Variants in DACH1 observed in about 807,000 individuals in gnomAD.
DACH1 encodes the protein dachshund homolog 1.
A neutral mutation model predicts 54.2 loss-of-function variants in DACH1; 12 were observed. The ratio of observed to expected loss-of-function variants is 0.22; its 90% CI spans 0.14 to 0.36. The LOEUF is 0.36. Among genes scored for constraint, DACH1 ranks in the 10% least tolerant of loss-of-function variants. DACH1 has a pLI of 1.00. For missense variants in DACH1, 805 were observed against 929.8 expected (o/e 0.87, Z 1.75); for synonymous variants, 386 against 366.2 (o/e 1.05, Z -0.62).
chr13:71,717,796 A>T (rs1186557661), intron 1 of DACH1, among the ~76,000 whole-genome samples: 1 of 152,100 alleles, frequency 6.6e-6, no homozygotes, highest in African/African-American at 2.4e-5. Flanking sequence ...TGCCATATTC[A>T]TCATAAGCTC....
intron 2 of DACH1, among the ~76,000 whole-genome samples, chr13:71,667,150 T>A (rs1879897585): frequency 6.6e-6 from 1 of 152,164 alleles, no homozygotes; most frequent in Non-Finnish European, 1.5e-5. Flanking sequence ...CACAGTCAAT[T>A]CTTTACATGA....
chr13:71,848,769 C>T (rs1873466771), intron 1 of DACH1, among the ~76,000 whole-genome samples: 1 of 152,154 alleles, frequency 6.6e-6, no homozygotes, highest in African/African-American at 2.4e-5. Context: ...AAGTGATCCT[C>T]CCACCTTGGC....
At chr13:71,501,698 A>G (rs971509890) in intron 6 of DACH1, among the ~76,000 whole-genome samples, 4 of 152,212 alleles carry the variant, frequency 2.6e-5, no homozygotes, top group African/African-American at 9.6e-5. Flanking sequence ...AATACTACTC[A>G]GTAAAGATTC....
intron 1 of DACH1, among the ~76,000 whole-genome samples, chr13:71,743,881 TTA>T (rs1884502632): frequency 6.6e-6 from 1 of 152,192 alleles, no homozygotes; most frequent in Non-Finnish European, 1.5e-5. Context: ...CTTCTCCTAA[TTA>T]TGTTGAAAGT....
At chr13:71,629,970 A>G (rs1030794997) in intron 3 of DACH1, among the ~76,000 whole-genome samples, 1 of 152,116 alleles carries the variant, frequency 6.6e-6, no homozygotes, top group Non-Finnish European at 1.5e-5. Flanking sequence ...TTGGTTTGAC[A>G]GTGACAGTTA....
At chr13:71,552,669 T>C (rs1566335025) in intron 6 of DACH1, among the ~76,000 whole-genome samples, 1 of 149,930 alleles carries the variant, frequency 6.7e-6, no homozygotes, top group Non-Finnish European at 1.5e-5. Context: ...CCTATTCCAC[T>C]ATATTTAGAA....
chr13:71,699,685 A>T (rs1488386287), intron 1 of DACH1, among the ~76,000 whole-genome samples: 1 of 152,228 alleles, frequency 6.6e-6, no homozygotes, highest in African/African-American at 2.4e-5. Context: ...CATCAATCCA[A>T]ATAATTTCTC....
chr13:71,530,177 T>C (rs994170636), intron 6 of DACH1, among the ~76,000 whole-genome samples: 1 of 152,160 alleles, frequency 6.6e-6, no homozygotes, highest in Non-Finnish European at 1.5e-5. Context: ...TGGACATATA[T>C]GACTTGGAAC....
At chr13:71,852,320 T>C (rs1162756794) in intron 1 of DACH1, among the ~76,000 whole-genome samples, 1 of 152,044 alleles carries the variant, frequency 6.6e-6, no homozygotes. Flanking sequence ...GGAGAAAGCC[T>C]GCTGAGGACC....
At chr13:71,800,630 C>A (rs891245328) in intron 1 of DACH1, among the ~76,000 whole-genome samples, 1 of 152,034 alleles carries the variant, frequency 6.6e-6, no homozygotes, top group Non-Finnish European at 1.5e-5. Context: ...CTCTACAACA[C>A]CTACACTTGA....
intron 1 of DACH1, among the ~76,000 whole-genome samples, chr13:71,755,465 T>C (rs1321717696): frequency 6.6e-6 from 1 of 152,168 alleles, no homozygotes; most frequent in Non-Finnish European, 1.5e-5. Context: ...AAATCTCTTC[T>C]TTCTGCAGTC....
chr13:71,601,082 CTCTA>C (rs1423989393), intron 3 of DACH1, among the ~76,000 whole-genome samples: 1 of 151,842 alleles, frequency 6.6e-6, no homozygotes, highest in Non-Finnish European at 1.5e-5. Flanking sequence ...GCTTTTTATT[CTCTA>C]TCTATCTAAC....
chr13:71,771,066 G>C (rs1235753202), intron 1 of DACH1, among the ~76,000 whole-genome samples: 1 of 151,334 alleles, frequency 6.6e-6, no homozygotes, highest in East Asian at 1.9e-4. Flanking sequence ...GCTCATTAGG[G>C]CTACATGGCC....
At chr13:71,477,684 C>G (rs879779019) in intron 8 of DACH1, among the ~76,000 whole-genome samples, 1 of 152,036 alleles carries the variant, frequency 6.6e-6, no homozygotes, top group Admixed American at 6.6e-5. Context: ...ACAGTAATTT[C>G]TGAAATATTT....
intron 1 of DACH1, 29 bp downstream of exon 1, chr13:71,865,893 G>A (rs370031954): frequency 1.2e-5 from 19 of 1,554,784 alleles, no homozygotes; most frequent in Middle Eastern, 1.7e-4. Flanking sequence ...AAGGGGCGCG[G>A]GCGGCGGGGG....
intron 3 of DACH1, among the ~76,000 whole-genome samples, chr13:71,623,791 C>T (rs1399001071): frequency 4.0e-5 from 6 of 151,800 alleles, no homozygotes; most frequent in Non-Finnish European, 2.9e-5. Flanking sequence ...TACATTATTA[C>T]TGGAAGCTAA....
chr13:71,524,887 C>G (rs1240205271), intron 6 of DACH1, among the ~76,000 whole-genome samples: 1 of 152,090 alleles, frequency 6.6e-6, no homozygotes, highest in Non-Finnish European at 1.5e-5. Flanking sequence ...AGTACAGTCA[C>G]TGGTCCGTGT....
chr13:71,811,752 G>T (rs1006482833), intron 1 of DACH1, among the ~76,000 whole-genome samples: 2 of 152,134 alleles, frequency 1.3e-5, no homozygotes, highest in African/African-American at 2.4e-5. Context: ...AAAACATCTT[G>T]AACCTCAGTT....
chr13:71,598,661 C>T (rs980759931), intron 3 of DACH1, among the ~76,000 whole-genome samples: 2 of 152,130 alleles, frequency 1.3e-5, no homozygotes, highest in Middle Eastern at 3.2e-3. Context: ...CCAATTGGGC[C>T]ATGATTGAGT....
Sources: allele counts gnomAD v4.1 joint callset (sites outside exome capture counted in the v4.1 genomes callset), GRCh38; gene constraint gnomAD v4.1.1; transcripts MANE v1.5; gene names NCBI Gene and HGNC (gene_info 2026-07-23, HGNC 2026-07-21).